UBR4: variants seen among roughly 807,000 people sequenced by gnomAD.
UBR4 encodes the protein E3 ubiquitin-protein ligase UBR4.
Under a neutral mutation model 575.6 loss-of-function variants are expected in UBR4, and 124 were observed. The ratio of observed to expected loss-of-function variants is 0.22; its 90% confidence interval spans 0.19 to 0.25. The LOEUF (loss-of-function observed/expected upper bound fraction) is 0.25, where lower values mean the gene tolerates loss of function less well. UBR4 is among the 10% of genes least tolerant of loss of function. The probability of loss-of-function intolerance (pLI) is 1.00; values close to 1 mark genes in which losing one functional copy is unlikely to be tolerated. For missense variants in UBR4, 4,818 were observed against 6,478.8 expected, an observed-to-expected ratio of 0.74 and a Z score of 8.80; for synonymous variants, 2,455 against 2,473.7, an observed-to-expected ratio of 0.99 and a Z score of 0.22.
At chr1:19,204,760 GA>G (rs1387599638) in intron 1 of UBR4, among the ~76,000 whole-genome samples, 1 of 152,106 alleles carries the variant, frequency 6.6e-6, no homozygotes, top group African/African-American at 2.4e-5. Flanking sequence ...ATAAACCTGG[GA>G]AAAATTGGTT....
chr1:19,124,886 T>A (rs1429501340), intron 64 of UBR4, among the ~76,000 whole-genome samples, 196 bp from the exon 65 acceptor site: 2 of 152,090 alleles, frequency 1.3e-5, no homozygotes, highest in African/African-American at 2.4e-5. Flanking sequence ...TTTAATTACA[T>A]GCAAAGGTTA....
At chr1:19,132,604 G>GAAAAAAAAAA (rs1557716278) in intron 60 of UBR4, among the ~76,000 whole-genome samples, 2 of 19,946 alleles carry the variant, frequency 1.0e-4, no homozygotes, top group Admixed American at 6.1e-4. Context: ...GTAAAAAATG[G>GAAAAAAAAAA]TAAAAAAAAA....
intron 60 of UBR4, among the ~76,000 whole-genome samples, chr1:19,130,502 C>A (rs1395234490): frequency 6.6e-6 from 1 of 152,156 alleles, no homozygotes; most frequent in Non-Finnish European, 1.5e-5. Flanking sequence ...AACAACAGAG[C>A]AAGTCCCTGT....
chr1:19,185,264 C>T lies in UBR4; in HGVS notation c.1773G>A (p.Leu591=). 1 of 1,581,942 alleles carries T rather than the reference C, an allele frequency of 6.3e-7. No homozygotes were observed. Among genetic ancestry groups the T allele is most frequent in the Non-Finnish European group, 8.6e-7 (1 of 1,167,792 alleles). The change falls in exon 15 of 106, where the codon TTG becomes TTA. Residue 591 remains leucine, a synonymous_variant. Coordinates refer to ENST00000375254, the MANE Select transcript of UBR4 (RefSeq NM_020765.3). ...AAATAGTCTCCTCAAACCATTGCCC[C>T]AAAATAGGCTCACTGTCATCGTCTG... The part of the protein sequence containing the change: ...SSQDDDSEPI[L]GQWFEETISP...
Position 19,173,558 on chromosome 1 carries a change from ATGG to A in UBR4, c.3043_3045del (p.Pro1015del), listed in dbSNP as rs1179886695. On this transcript the variant is annotated inframe_deletion, in exon 23 of 106. Coordinates refer to ENST00000375254, the MANE Select transcript of UBR4 (RefSeq NM_020765.3). ...GATAGCTGGTTAATGTAAGTCTTTG[ATGG>A]TGGTAAAATTCCTAGGATCCTCCAC... 1 of 1,614,172 alleles carries A rather than the reference ATGG, an allele frequency of 6.2e-7. No individual in the cohort carries two copies. The highest frequency in any genetic ancestry group is 8.5e-7 in the Non-Finnish European group (1 of 1,180,024).
intron 7 of UBR4, 134 bp from the exon 8 acceptor site, chr1:19,197,399 C>A: frequency 1.5e-6 from 2 of 1,315,312 alleles, no homozygotes; most frequent in Non-Finnish European, 1.0e-6. Context: ...GAGGCCAAGG[C>A]AGGAGGATTG....
chr1:19,177,834 A>C (rs540420905), intron 18 of UBR4, 91 bp from the exon 19 acceptor site: 5 of 1,374,640 alleles, frequency 3.6e-6, no homozygotes, highest in Non-Finnish European at 4.9e-6. Context: ...TAAATTTCCT[A>C]AACCCAGGCA....
At chr1:19,134,803 A>G (rs539693943) in intron 60 of UBR4, among the ~76,000 whole-genome samples, 3 of 152,200 alleles carry the variant, frequency 2.0e-5, no homozygotes, top group Admixed American at 2.0e-4. Context: ...AGTAAACTGT[A>G]ATACATGACT....
At chr1:19,148,274 C>A (rs1009997799) in intron 50 of UBR4, 147 bp from the exon 51 acceptor site, 4 of 1,098,756 alleles carry the variant, frequency 3.6e-6, no homozygotes, top group Non-Finnish European at 5.0e-6. Flanking sequence ...AAAAAAGTTT[C>A]AGAAATTATA....
intron 103 of UBR4, chr1:19,080,433 G>A (rs1262405772): frequency 6.6e-6 from 1 of 152,234 alleles, no homozygotes; most frequent in African/African-American, 2.4e-5. Flanking sequence ...TGAGGGCACA[G>A]GCTATTTTCC....
Position 19,084,647 on chromosome 1 carries a change from C to T in UBR4, c.14865G>A (p.Gln4955=), listed in dbSNP as rs548964494. ...ECTGQREPTY[Q]LNIHDIKLLF... ...GCAGTTTGATGTCATGGATGTTGAG[C>T]TGATACGTGGGCTCCCGCTGGCCTG... Residue 4955 remains glutamine (Q), a synonymous_variant, in exon 102 of 106, where the codon CAG becomes CAA. Transcript: ENST00000375254. 1.5e-5 allele frequency: 25 copies of T among 1,614,072 alleles called. No individual in the cohort carries two copies. In the South Asian group the frequency reaches 2.6e-4, roughly 17 times the overall value.
At position 19,167,040 on chromosome 1, in the gene UBR4, T is replaced by C. The variant is rs376216362; in HGVS notation, c.4091A>G (p.Asn1364Ser). 3.8e-5 allele frequency: 61 copies of C among 1,614,228 alleles called. No individual in the cohort carries two copies. Among genetic ancestry groups the C allele is most frequent in the Non-Finnish European group, 5.1e-5 (60 of 1,180,032 alleles). ...GGCTCACCTGTTAGGATCTGCATGA[T>C]TGGCCAGAATGTTGTAACAACCAGT... ...LITGCYNILA[N>S]HADPNSGLDE... The change falls in exon 29 of 106, where the codon AAT becomes AGT. Residue 1364 changes from asparagine to serine, a missense_variant. Asn to Ser is a conservative substitution (Grantham distance 46). This residue lies in a region of UBR4 where 1,172 missense variants were observed against 1,259.7 expected (regional missense o/e 0.93). Coordinates refer to ENST00000375254, the MANE Select transcript of UBR4 (RefSeq NM_020765.3).
rs1175809443 is a variant in UBR4, at chr1:19,185,174, A to G, written c.1863T>C (p.Pro621=). ...PPPPPPLESS[P]RVKSPSKQAP... ...CCTGCTTACTGGGGCTTTTAACCCGAGGAGAGCTTTCCAGTGGAGGAGGTG... is the reference window on the plus strand; with the variant it reads ...CCTGCTTACTGGGGCTTTTAACCCGGGGAGAGCTTTCCAGTGGAGGAGGTG... Residue 621 remains proline, a synonymous_variant, in exon 15 of 106, where the codon CCT becomes CCC. Coordinates refer to ENST00000375254, the MANE Select transcript of UBR4 (RefSeq NM_020765.3). 6.2e-7 allele frequency: 1 copy of G among 1,614,040 alleles called. No individual in the cohort carries two copies. The highest frequency in any genetic ancestry group is 1.3e-5 in the African/African-American group (1 of 74,922).
chr1:19,131,484 G>T (rs1195855858), intron 60 of UBR4, among the ~76,000 whole-genome samples: 1 of 152,070 alleles, frequency 6.6e-6, no homozygotes, highest in African/African-American at 2.4e-5. Flanking sequence ...AATATGGCTA[G>T]GTTACCTAAA....
chr1:19,192,575 A>C (rs2092169266), intron 9 of UBR4, 35 bp from the exon 10 acceptor site: 12 of 1,609,712 alleles, frequency 7.5e-6, no homozygotes, highest in Non-Finnish European at 9.4e-6. Context: ...AAATCTGAAC[A>C]AGCTGACAGA....
chr1:19,144,981 T>G (rs896277899), intron 53 of UBR4, 74 bp from the exon 54 acceptor site: 13 of 1,570,384 alleles, frequency 8.3e-6, no homozygotes, highest in Admixed American at 1.7e-5. Flanking sequence ...GAGACAAAAG[T>G]GTAACCTTTT....
chr1:19,090,792 T>A (rs921224552), intron 97 of UBR4, among the ~76,000 whole-genome samples: 2 of 152,096 alleles, frequency 1.3e-5, no homozygotes, highest in Non-Finnish European at 2.9e-5. Flanking sequence ...TTCAATTTGG[T>A]AACTAAGAAT....
chr1:19,112,721 G>A lies in UBR4; in HGVS notation c.11604C>T (p.Ser3868=), dbSNP rs374646331. 9 of 1,614,140 alleles carry A rather than the reference G, an allele frequency of 5.6e-6. No individual in the cohort carries two copies. In the Admixed American group the frequency reaches 6.7e-5, roughly 12 times the overall value. The part of the protein sequence containing the change: ...ALSVLGCGHT[S]STKCYGCASA... ...AGGCGCAGCCATAGCACTTGGTGGAGGATGTGTGGCCACAGCCCAGGACGG... is the reference window on the plus strand; with the variant it reads ...AGGCGCAGCCATAGCACTTGGTGGAAGATGTGTGGCCACAGCCCAGGACGG... Residue 3868 remains serine (S), a synonymous_variant, in exon 78 of 106, where the codon TCC becomes TCT. Coordinates refer to ENST00000375254, the MANE Select transcript of UBR4 (RefSeq NM_020765.3).
Position 19,088,444 on chromosome 1 carries a change from C to T in UBR4, c.14430+315G>A, listed in dbSNP as rs543727139. Among the ~76,000 whole-genome samples, 3 of 152,312 alleles carry T rather than the reference C, an allele frequency of 2.0e-5. No individual in the cohort carries two copies. Among genetic ancestry groups the T allele is most frequent in the African/African-American group, 7.2e-5 (3 of 41,558 alleles). ...TTACTTCACCTCTCAGTTTCAGTTA[C>T]TTCATCTGGAAAATGGGTATAACAA... On this transcript the variant is annotated intron_variant, in intron 98 of 105. Coordinates refer to ENST00000375254, the MANE Select transcript of UBR4 (RefSeq NM_020765.3). The surrounding 1 kb of genome is among the most constrained non-coding windows in gnomAD (Gnocchi z 4.0).
Sources: allele counts gnomAD v4.1 joint callset (sites outside exome capture counted in the v4.1 genomes callset), GRCh38; gene constraint gnomAD v4.1.1; regional missense constraint gnomAD v4.1.1; non-coding constraint Gnocchi (gnomAD v3.1); transcripts MANE v1.5; gene names NCBI Gene and HGNC (gene_info 2026-07-23, HGNC 2026-07-21).